Variants in PRKN observed in about 807,000 individuals in gnomAD.
PRKN encodes the protein parkin RBR E3 ubiquitin protein ligase.
Under a neutral mutation model 59.5 loss-of-function variants are expected in PRKN, and 56 were observed. The observed-to-expected ratio is 0.94, with a 90% CI of 0.76 to 1.18. The LOEUF (loss-of-function observed/expected upper bound fraction) is 1.18. PRKN is among the 50% of genes most tolerant of loss of function. The pLI is 0.00. For synonymous variants in PRKN, 250 were observed against 222.1 expected (o/e 1.13, Z -1.12); for missense variants, 657 against 596.4 (o/e 1.10, Z -1.06).
In PRKN at chr6:161,377,466, T is replaced by A. The variant is rs1334065958; in HGVS notation, c.1167+9328A>T. Among the ~76,000 whole-genome samples the A allele has an allele frequency of 2.6e-5, 4 of 152,210 alleles. No homozygotes were observed. The highest frequency in any genetic ancestry group is 5.9e-5 in the Non-Finnish European group (4 of 68,030). ...GAGGGATCCAAGCTTGGTTCACAAT[T>A]GAGTTAGCTTAACATACGGCTGCAA... On this transcript the variant is annotated intron_variant, in intron 10 of 11. Coordinates refer to ENST00000366898, the MANE Select transcript of PRKN (RefSeq NM_004562.3). The surrounding 1 kb of genome is among the most constrained non-coding windows in gnomAD (Gnocchi z 4.2).
At position 161,581,626 on chromosome 6, in the gene PRKN, C is replaced by CAA. The variant is rs1781344122; in HGVS notation, c.872-12212_872-12211dup. Among the ~76,000 whole-genome samples, 1 of 152,048 alleles carries CAA rather than the reference C, an allele frequency of 6.6e-6. No individual in the cohort carries two copies. The highest frequency in any genetic ancestry group is 1.5e-5 in the Non-Finnish European group (1 of 68,010). ...GTGAAGGGCGTTGGGCCTATGTCAT[C>CAA]AACAGTGAGCAAGAGACAGGAAATA... On this transcript the variant is annotated intron_variant, in intron 7 of 11. Coordinates refer to ENST00000366898, the MANE Select transcript of PRKN (RefSeq NM_004562.3). The surrounding 1 kb of genome is among the most constrained non-coding windows in gnomAD (Gnocchi z 4.5).
At chr6:162,466,512 C>A (rs1231245730) in intron 1 of PRKN, among the ~76,000 whole-genome samples, 1 of 152,106 alleles carries the variant, frequency 6.6e-6, no homozygotes, top group African/African-American at 2.4e-5. Flanking sequence ...AATCCTCCCA[C>A]CTCACCCTCA....
chr6:162,200,148 C>T (rs1482613793), intron 4 of PRKN, among the ~76,000 whole-genome samples: 2 of 152,160 alleles, frequency 1.3e-5, no homozygotes, highest in Admixed American at 1.3e-4. Flanking sequence ...TTTACCCACA[C>T]TTGCACACCT....
In PRKN at chr6:162,209,652, G is replaced by A. The variant is rs142013846; in HGVS notation, c.413-8400C>T. 6.0e-4 allele frequency among the ~76,000 whole-genome samples: 91 copies of A among 152,216 alleles called. No individual in the cohort carries two copies. The East Asian group carries it at 6.4e-3, about 11-fold the overall frequency. ...AATCATGCTGCTAATAAAGACACAC[G>A]CACATGTTTGCTTATTGCAGTACTA... is the stretch of plus-strand genomic sequence containing the variant. On this transcript the variant is annotated intron_variant, in intron 3 of 11. Transcript: ENST00000366898.
At chr6:161,779,447 T>C (rs1358205417) in intron 7 of PRKN, among the ~76,000 whole-genome samples, 5 of 93,170 alleles carry the variant, frequency 5.4e-5, no homozygotes, top group African/African-American at 2.0e-4. Context: ...TTTCTTTTTT[T>C]TTTTTTTTTT....
intron 8 of PRKN, among the ~76,000 whole-genome samples, chr6:161,564,716 A>C (rs1355662775): frequency 6.6e-6 from 1 of 152,022 alleles, no homozygotes; most frequent in Non-Finnish European, 1.5e-5. Flanking sequence ...GCTGTCAGCT[A>C]CTGACATCCA....
intron 1 of PRKN, among the ~76,000 whole-genome samples, chr6:162,541,795 AGT>A (rs1389305622): frequency 6.6e-6 from 1 of 152,106 alleles, no homozygotes; most frequent in African/African-American, 2.4e-5. Context: ...GAATACCCTA[AGT>A]ATAAGAGTTA....
rs376343053 is a variant in PRKN, at chr6:161,484,433, C to A, written c.1083+64421G>T. On this transcript the variant is annotated intron_variant, in intron 9 of 11. Coordinates refer to ENST00000366898, the MANE Select transcript of PRKN (RefSeq NM_004562.3). The surrounding 1 kb of genome is among the most constrained non-coding windows in gnomAD (Gnocchi z 4.9). ...TAACTAAGATGCACTGGGTACGTTACGTGTTAGGGAGCGTCCCAAGTGCTT... is the reference window on the plus strand; with the variant it reads ...TAACTAAGATGCACTGGGTACGTTAAGTGTTAGGGAGCGTCCCAAGTGCTT... Among the ~76,000 whole-genome samples, 1 of 152,080 alleles carries A rather than the reference C, an allele frequency of 6.6e-6. No individual in the cohort carries two copies. The highest frequency in any genetic ancestry group is 1.5e-5 in the Non-Finnish European group (1 of 68,022).
chr6:161,903,279 G>A (rs574938769), intron 6 of PRKN, among the ~76,000 whole-genome samples: 2 of 152,140 alleles, frequency 1.3e-5, no homozygotes, highest in Non-Finnish European at 2.9e-5. Context: ...AGCTGGCCCA[G>A]ATGGGTGTAT....
intron 1 of PRKN, among the ~76,000 whole-genome samples, chr6:162,650,554 C>T (rs1325406657): frequency 1.4e-5 from 2 of 146,182 alleles, no homozygotes; most frequent in East Asian, 2.0e-4. Flanking sequence ...GCCGAGATCC[C>T]GCCACTGCAC....
intron 7 of PRKN, among the ~76,000 whole-genome samples, chr6:161,723,872 T>G (rs1483244393): frequency 6.6e-6 from 1 of 152,158 alleles, no homozygotes; most frequent in Non-Finnish European, 1.5e-5. Flanking sequence ...TGTTCTGCCC[T>G]CACGGCCTCA....
chr6:162,387,531 A>AACACACAC (rs1157932001), intron 2 of PRKN, among the ~76,000 whole-genome samples: 26 of 121,986 alleles, frequency 2.1e-4, no homozygotes, highest in African/African-American at 6.9e-4. Context: ...CCCTCCTCAC[A>AACACACAC]ACACACACAC....
chr6:161,683,601 T>A (rs1785451063), intron 7 of PRKN, among the ~76,000 whole-genome samples: 1 of 152,154 alleles, frequency 6.6e-6, no homozygotes, highest in African/African-American at 2.4e-5. Context: ...TGAACGCTTG[T>A]AAGTCAGACC....
At chr6:162,321,245 T>G (rs925794256) in intron 2 of PRKN, among the ~76,000 whole-genome samples, 8 of 151,908 alleles carry the variant, frequency 5.3e-5, no homozygotes, top group African/African-American at 1.9e-4. Flanking sequence ...CTGAGCAATT[T>G]TCTACCTATA....
At chr6:161,869,042 T>G (rs1794234683) in intron 6 of PRKN, among the ~76,000 whole-genome samples, 1 of 152,208 alleles carries the variant, frequency 6.6e-6, no homozygotes, top group Non-Finnish European at 1.5e-5. Flanking sequence ...CATTTTCCCA[T>G]TTTTCTAAAG....
intron 1 of PRKN, among the ~76,000 whole-genome samples, chr6:162,591,234 GT>G (rs1451663420): frequency 1.1e-4 from 17 of 150,740 alleles, no homozygotes; most frequent in Non-Finnish European, 2.5e-4. Context: ...TTTTTTTTTT[GT>G]AAGTGTCACA....
At chr6:161,431,069 G>A (rs975354832) in intron 9 of PRKN, among the ~76,000 whole-genome samples, 4 of 151,370 alleles carry the variant, frequency 2.6e-5, no homozygotes, top group East Asian at 1.9e-4. Context: ...AACCTGGGGG[G>A]CGGAGGTTGA....
intron 6 of PRKN, among the ~76,000 whole-genome samples, chr6:161,898,673 C>T (rs1357371020): frequency 1.3e-5 from 2 of 152,128 alleles, no homozygotes; most frequent in Admixed American, 6.5e-5. Flanking sequence ...TCTGGGTAGA[C>T]AGAACTTCCA....
intron 1 of PRKN, among the ~76,000 whole-genome samples, chr6:162,641,416 AT>A (rs1307755689): frequency 1.3e-5 from 2 of 152,016 alleles, no homozygotes; most frequent in Non-Finnish European, 2.9e-5. Context: ...GTCAGAGGAA[AT>A]TTGCTCACTG....
Sources: gnomAD v4.1 joint callset for allele counts (sites outside exome capture counted in the v4.1 genomes callset) on GRCh38, gnomAD v4.1.1 for gene constraint, Gnocchi (gnomAD v3.1) non-coding constraint, MANE v1.5 for transcripts, NCBI Gene and HGNC (gene_info 2026-07-23, HGNC 2026-07-21) for gene names.